AGTPBP1: variants seen among roughly 807,000 people sequenced by gnomAD.
AGTPBP1 encodes cytosolic carboxypeptidase 1.
In AGTPBP1, 70 loss-of-function variants were observed where a neutral mutation model predicts 143.9. That is an observed-to-expected ratio of 0.49 (90% CI 0.40 to 0.59). The LOEUF is 0.59. Ranked by LOEUF, AGTPBP1 falls within the 20% of genes least tolerant of loss-of-function variation. The probability of loss-of-function intolerance (pLI) is 0.00; values close to 1 mark genes in which losing one functional copy is unlikely to be tolerated. For synonymous variants in AGTPBP1, 463 were observed against 500.2 expected, an observed-to-expected ratio of 0.93 and a Z score of 0.99; for missense variants, 1,229 against 1,464.5, an observed-to-expected ratio of 0.84 and a Z score of 2.62.
Position 85,741,832 on chromosome 9 carries a change from C to T in AGTPBP1, c.-91G>A, listed in dbSNP as rs866276513. The T allele has an allele frequency of 7.1e-7, 1 of 1,406,628 alleles. No homozygotes were observed. The allele number at this position is 1,406,628 out of a possible 1,614,324, so 87.1% of individuals were successfully genotyped here. On this transcript the variant is annotated 5_prime_UTR_variant, in exon 1 of 26. The change creates a new upstream start codon in the 5' untranslated region. Coordinates refer to ENST00000357081, the MANE Select transcript of AGTPBP1 (RefSeq NM_001330701.2). ...CAGAGCCGCAGCACCCGGCTCAGCA[C>T]CTGGATCACGGCGGATCCCTCGCCG...
the AGTPBP1 span, among the ~76,000 whole-genome samples, chr9:85,780,230 T>C: frequency 5.3e-5 from 8 of 149,646 alleles, no homozygotes; most frequent in African/African-American, 1.7e-4. Context: ...CATAACCCAA[T>C]GGAGACAATG....
chr9:85,656,530 C>G (rs1208170572), intron 10 of AGTPBP1, among the ~76,000 whole-genome samples: 1 of 151,786 alleles, frequency 6.6e-6, no homozygotes, highest in South Asian at 2.1e-4. Flanking sequence ...TGTGTGAGAC[C>G]AGGAGGGCAC....
At chr9:85,734,897 A>C (rs1588004788) in intron 1 of AGTPBP1, among the ~76,000 whole-genome samples, 1 of 152,210 alleles carries the variant, frequency 6.6e-6, no homozygotes, top group Middle Eastern at 3.4e-3. Flanking sequence ...TTAGCCAGGC[A>C]TGGTGACACA....
chr9:85,655,692 A>T (rs1008384133), intron 10 of AGTPBP1, among the ~76,000 whole-genome samples: 5 of 84,178 alleles, frequency 5.9e-5, no homozygotes, highest in African/African-American at 3.6e-4. Flanking sequence ...GAAATTAAAA[A>T]ACAAAAAAAA....
At chr9:85,605,432 C>T (rs1829932640) in intron 17 of AGTPBP1, among the ~76,000 whole-genome samples, 1 of 151,874 alleles carries the variant, frequency 6.6e-6, no homozygotes, top group Admixed American at 6.6e-5. Context: ...TAAAGACTTC[C>T]CCAGACAAAA....
rs1826465533 is a variant in AGTPBP1 at position 85,558,058 on chromosome 9, C to T, written c.3504-10772G>A. Among the ~76,000 whole-genome samples the T allele has an allele frequency of 1.3e-5, 2 of 152,080 alleles. 1 individual carries two copies. The highest frequency in any genetic ancestry group is 4.2e-4 in the South Asian group (2 of 4,816). On this transcript the variant is annotated intron_variant, in intron 25 of 25. Transcript: ENST00000357081. ...ATGTTAAAACAAAATATAACTAATG[C>T]TAAGTATTTTAAAGGCTTTCTTTGG...
At chr9:85,568,826 G>A (rs1317756831) in intron 25 of AGTPBP1, among the ~76,000 whole-genome samples, 2 of 152,308 alleles carry the variant, frequency 1.3e-5, no homozygotes, top group East Asian at 1.9e-4. Context: ...TAAGACATGA[G>A]CATCTGGGTG....
At chr9:85,606,099 C>T (rs1398938372) in intron 17 of AGTPBP1, among the ~76,000 whole-genome samples, 1 of 151,934 alleles carries the variant, frequency 6.6e-6, no homozygotes, top group African/African-American at 2.4e-5. Context: ...AAACAATCAA[C>T]AGGGTGAAGA....
chr9:85,579,868 T>C (rs556570395), intron 23 of AGTPBP1, among the ~76,000 whole-genome samples: 118 of 150,918 alleles, frequency 7.8e-4, no homozygotes, highest in African/African-American at 2.9e-3. Flanking sequence ...AATTAAATTC[T>C]AGCTGGATTG....
chr9:85,741,794 G>A lies in AGTPBP1; in HGVS notation c.-53C>T, dbSNP rs1310606603. The A allele has an allele frequency of 1.7e-5, 23 of 1,358,988 alleles. No homozygotes were observed. The highest frequency in any genetic ancestry group is 2.2e-5 in the Non-Finnish European group (23 of 1,058,136). 84.2% of individuals were successfully genotyped at this position (1,358,988 alleles called of 1,614,324 possible). On this transcript the variant is annotated 5_prime_UTR_variant, in exon 1 of 26. An upstream open reading frame in the 5' UTR gains an earlier in-frame stop. Transcript: ENST00000357081. ...GCTCACCGGCTCAGGATGGGGCGCT[G>A]GCGGGGACCGCGCAGAGCCGCAGCA...
intron 15 of AGTPBP1, 53 bp downstream of exon 15, chr9:85,621,149 A>C (rs1830908293): frequency 2.9e-6 from 3 of 1,051,894 alleles, no homozygotes; most frequent in Non-Finnish European, 3.9e-6. Context: ...ATAATACTAA[A>C]ATTTTATAGA....
Position 85,675,935 on chromosome 9 carries a change from G to C in AGTPBP1, c.436+1501C>G, listed in dbSNP as rs143952764. ...AGCTACTCGGGAGGCTGAGGCAGGA[G>C]AATCACTTGAAACCAGGAGGCAGAG... On this transcript the variant is annotated intron_variant, in intron 6 of 25. Transcript: ENST00000357081. Among the ~76,000 whole-genome samples the C allele has an allele frequency of 6.1e-3, 927 of 152,214 alleles. 11 individuals carry two copies. The highest frequency in any genetic ancestry group is 0.021 in the African/African-American group (864 of 41,548).
chr9:85,742,152 G>A (rs1213530597), upstream of AGTPBP1: 1 of 666,818 alleles, frequency 1.5e-6, no homozygotes, highest in Non-Finnish European at 2.0e-6. Flanking sequence ...CCTGACGGGA[G>A]GGAGCGCGCG....
At chr9:85,594,325 A>G (rs1239341196) in intron 18 of AGTPBP1, among the ~76,000 whole-genome samples, 2 of 152,204 alleles carry the variant, frequency 1.3e-5, no homozygotes, top group African/African-American at 4.8e-5. Context: ...AATCTTTATC[A>G]TCTAAATTTC....
At chr9:85,661,093 CTTGT>C (rs535131445) in intron 8 of AGTPBP1, 120 bp from the exon 9 acceptor site, 844 of 804,622 alleles carry the variant, frequency 1.0e-3, no homozygotes, top group Non-Finnish European at 1.5e-3. Flanking sequence ...AAAGTTTACT[CTTGT>C]TTAAGATAAT....
At chr9:85,756,535 G>A in the AGTPBP1 span, among the ~76,000 whole-genome samples, 4 of 108,280 alleles carry the variant, frequency 3.7e-5, no homozygotes, top group Non-Finnish European at 1.0e-4. Flanking sequence ...ATGGATGGAT[G>A]GATAGATGGA....
At chr9:85,697,447 T>G (rs1753820810) in intron 2 of AGTPBP1, among the ~76,000 whole-genome samples, 1 of 119,712 alleles carries the variant, frequency 8.4e-6, no homozygotes, top group Non-Finnish European at 1.8e-5. Context: ...TGTTTTTTGT[T>G]TTTTTTTTTT....
the AGTPBP1 span, among the ~76,000 whole-genome samples, chr9:85,773,320 CTTTTTTTTTTTTTTTTTT>C: frequency 3.3e-5 from 1 of 29,948 alleles, no homozygotes; most frequent in Non-Finnish European, 6.1e-5. Context: ...CCAACAAATT[CTTTTTTTTTTTTTTTTTT>C]TTTTTTTTTT....
chr9:85,745,001 T>C (rs932827794), upstream of AGTPBP1, among the ~76,000 whole-genome samples: 1 of 152,250 alleles, frequency 6.6e-6, no homozygotes, highest in Non-Finnish European at 1.5e-5. Flanking sequence ...CTGATATAGA[T>C]CAGAGTTGGA....
Sources: allele counts gnomAD v4.1 joint callset (sites outside exome capture counted in the v4.1 genomes callset), GRCh38; gene constraint gnomAD v4.1.1; transcripts MANE v1.5; gene names NCBI Gene and HGNC (gene_info 2026-07-23, HGNC 2026-07-21).